Variants in RASA2 observed in about 807,000 individuals in gnomAD.
RASA2 encodes RAS p21 protein activator 2, also known as ras GTPase-activating protein 2.
RASA2 carries 155 observed loss-of-function variants against 118.2 expected under a neutral mutation model. The observed-to-expected ratio is 1.31, with a 90% CI of 1.15 to 1.50. The LOEUF (loss-of-function observed/expected upper bound fraction) is 1.50. Ranked by LOEUF, RASA2 falls within the 40% of genes most tolerant of loss-of-function variation. RASA2 has a pLI of 0.00. For missense variants in RASA2, 1,016 were observed against 1,009.6 expected (o/e 1.01, Z -0.09); for synonymous variants, 353 against 349.1 (o/e 1.01, Z -0.12).
At chr3:141,578,287 A>G (rs1349751195) in intron 15 of RASA2, among the ~76,000 whole-genome samples, 1 of 152,202 alleles carries the variant, frequency 6.6e-6, no homozygotes, top group Non-Finnish European at 1.5e-5. Context: ...AGTCTTTATC[A>G]TCTGTGAGCT....
intron 3 of RASA2, among the ~76,000 whole-genome samples, chr3:141,521,487 C>G (rs2082110607): frequency 6.6e-6 from 1 of 152,146 alleles, no homozygotes; most frequent in Admixed American, 6.6e-5. Flanking sequence ...ATTTTCGTCT[C>G]TTTACATGTT....
chr3:141,487,334 G>A, intron 1 of RASA2, 118 bp downstream of exon 1: 1 of 1,149,150 alleles, frequency 8.7e-7, no homozygotes, highest in Non-Finnish European at 1.1e-6. Flanking sequence ...CCCGGGAGGG[G>A]GCCTGGGCCG....
At chr3:141,592,007 T>C (rs771507994) in intron 19 of RASA2, among the ~76,000 whole-genome samples, 7 of 151,684 alleles carry the variant, frequency 4.6e-5, no homozygotes, top group Non-Finnish European at 7.4e-5. Context: ...GAGAGAAAAA[T>C]AGTAAACAAA....
intron 9 of RASA2, among the ~76,000 whole-genome samples, chr3:141,564,525 C>T (rs1273978533): frequency 6.6e-6 from 1 of 152,080 alleles, no homozygotes; most frequent in Non-Finnish European, 1.5e-5. Context: ...TATTCAAGCA[C>T]AATTGAGGGG....
chr3:141,609,398 TA>T lies in RASA2; in HGVS notation c.2226-21del, dbSNP rs63381862. ...CAAAATAAAATTTGTATAATATCTT[TA>T]TTTTTTTATTTTTACCATAGAGGTG... On this transcript the variant is annotated intron_variant, in intron 21 of 23. Coordinates refer to ENST00000286364, the MANE Select transcript of RASA2 (RefSeq NM_006506.5). 11,670 of 1,409,982 alleles carry T rather than the reference TA, an allele frequency of 8.3e-3. 54 individuals carry two copies. Among genetic ancestry groups the T allele is most frequent in the Non-Finnish European group, 9.9e-3 (10,338 of 1,041,162 alleles). 87.3% of individuals were successfully genotyped at this position (1,409,982 alleles called of 1,614,324 possible). A position where few individuals can be genotyped will look rare whatever the true frequency, so the allele number is the denominator to read the frequency against.
intron 19 of RASA2, among the ~76,000 whole-genome samples, chr3:141,593,420 G>A (rs534185620): frequency 6.6e-6 from 1 of 152,130 alleles, no homozygotes; most frequent in South Asian, 2.1e-4. Context: ...GTGCTAAAAT[G>A]CAAGCAGAAA....
chr3:141,574,001 A>AGCT lies in RASA2; in HGVS notation c.1420_1422dup (p.Cys474dup). The AGCT allele has an allele frequency of 1.3e-6, 2 of 1,590,236 alleles. No homozygotes were observed. The highest frequency in any genetic ancestry group is 1.7e-6 in the Non-Finnish European group (2 of 1,162,546). ...CAATACAATTGTAAAATCAAGTATG[A>AGCT]GCTGCCCCACTGTAATGTGTGATAT... is the stretch of plus-strand genomic sequence containing the variant. On this transcript the variant is annotated inframe_insertion, in exon 14 of 24. Coordinates refer to ENST00000286364, the MANE Select transcript of RASA2 (RefSeq NM_006506.5).
chr3:141,581,064 T>C, intron 16 of RASA2, 36 bp from the exon 17 acceptor site: 1 of 1,471,976 alleles, frequency 6.8e-7, no homozygotes, highest in South Asian at 1.4e-5. Context: ...AATTCTCTAT[T>C]TAACACATAT....
At chr3:141,565,565 T>C (rs113176107) in intron 9 of RASA2, among the ~76,000 whole-genome samples, 4,735 of 152,248 alleles carry the variant, frequency 0.031, 242 homozygotes, top group African/African-American at 0.1. Flanking sequence ...ATAAGTCTCA[T>C]GAGATCTGAT....
In RASA2 at chr3:141,547,717, G is replaced by T. The variant is rs2082507235; in HGVS notation, c.528-6140G>T. ...ATCTCTTGTCTGATTGCTCTAGCTA[G>T]GACTTGAATAACAGTGGTGAAAGTG... On this transcript the variant is annotated intron_variant, in intron 5 of 23. Coordinates refer to ENST00000286364, the MANE Select transcript of RASA2 (RefSeq NM_006506.5). Among the ~76,000 whole-genome samples, 5 of 151,926 alleles carry T rather than the reference G, an allele frequency of 3.3e-5. No individual in the cohort carries two copies. In the South Asian group the frequency reaches 1.0e-3, roughly 31 times the overall value.
chr3:141,559,842 G>T, intron 8 of RASA2, 52 bp from the exon 9 acceptor site: 2 of 1,440,690 alleles, frequency 1.4e-6, no homozygotes, highest in South Asian at 2.3e-5. Flanking sequence ...TTTGTGGTGT[G>T]AACTCTCTTA....
At chr3:141,495,086 C>T (rs890190758) in intron 1 of RASA2, among the ~76,000 whole-genome samples, 1 of 152,186 alleles carries the variant, frequency 6.6e-6, no homozygotes, top group Admixed American at 6.5e-5. Context: ...TGCAGTGTAT[C>T]CTTCAGACAA....
At position 141,601,196 on chromosome 3, in the gene RASA2, G is replaced by A. The variant is rs560503613; in HGVS notation, c.1934-6482G>A. ...TACCCTAGCACTTTGAGAGGCTGCG[G>A]CAGACAGATTGCCTGATCTCAAGAG... On this transcript the variant is annotated intron_variant, in intron 19 of 23. Coordinates refer to ENST00000286364, the MANE Select transcript of RASA2 (RefSeq NM_006506.5). Among the ~76,000 whole-genome samples the A allele has an allele frequency of 1.5e-4, 23 of 152,302 alleles. No individual in the cohort carries two copies. In the East Asian group the frequency reaches 4.4e-3, roughly 29 times the overall value.
rs146580056 is a variant in RASA2, at chr3:141,533,117, C to G, written c.450+3315C>G. ...TTTTGAGACCTAAAAGACGCCACAC[C>G]AATTTTTGAGTCCATGTGACCATAC... On this transcript the variant is annotated intron_variant, in intron 4 of 23. Transcript: ENST00000286364. Among the ~76,000 whole-genome samples, 936 of 152,190 alleles carry G rather than the reference C, an allele frequency of 6.2e-3. 12 individuals are homozygous for G. Among genetic ancestry groups the G allele is most frequent in the African/African-American group, 0.021 (880 of 41,530 alleles).
At chr3:141,564,771 G>T (rs1381978209) in intron 9 of RASA2, among the ~76,000 whole-genome samples, 1 of 152,140 alleles carries the variant, frequency 6.6e-6, no homozygotes, top group Non-Finnish European at 1.5e-5. Flanking sequence ...CAAGCACATG[G>T]GGGTGGTGGT....
rs1034592883 is a variant in RASA2 at position 141,512,978 on chromosome 3, G to A, written c.251+698G>A. On this transcript the variant is annotated intron_variant, in intron 2 of 23. Transcript: ENST00000286364. ...CTTGGGAGGCTGAGGCAGGAGAATC[G>A]CTTGAACCCAGGGGTCGGAGGTTGC... Among the ~76,000 whole-genome samples the A allele has an allele frequency of 2.6e-4, 40 of 151,438 alleles. 1 individual carries two copies. The highest frequency in any genetic ancestry group is 2.1e-4 in the South Asian group (1 of 4,798).
In RASA2 at chr3:141,580,416, A is replaced by C. The variant is rs1234300831; in HGVS notation, c.1639A>C (p.Thr547Pro). The C allele has an allele frequency of 6.2e-7, 1 of 1,609,964 alleles. No homozygotes were observed. Among genetic ancestry groups the C allele is most frequent in the Admixed American group, 1.7e-5 (1 of 59,778 alleles). ...AACTCTCATCTCAAAAACTATACAA[A>C]CTTTGGGAAGCTGGGGGAGTCTGTC... ...TLTLISKTIQ[T>P]LGSWGSLSKS... is the part of the protein sequence containing the mutation. Residue 547 changes from threonine to proline, a missense_variant, in exon 16 of 24, where the codon ACT (threonine) becomes CCT (proline). Coordinates refer to ENST00000286364, the MANE Select transcript of RASA2 (RefSeq NM_006506.5).
intron 3 of RASA2, among the ~76,000 whole-genome samples, chr3:141,520,691 CAG>C (rs1250614947): frequency 1.3e-5 from 2 of 152,022 alleles, no homozygotes; most frequent in Non-Finnish European, 2.9e-5. Context: ...CTTATATACA[CAG>C]ATATATATAC....
At chr3:141,596,858 A>G (rs1344961326) in intron 19 of RASA2, among the ~76,000 whole-genome samples, 3 of 152,230 alleles carry the variant, frequency 2.0e-5, no homozygotes, top group Non-Finnish European at 4.4e-5. Context: ...AATGTAAAAT[A>G]GGGGCTTTGA....
Sources: allele counts gnomAD v4.1 joint callset (sites outside exome capture counted in the v4.1 genomes callset), GRCh38; gene constraint gnomAD v4.1.1; transcripts MANE v1.5; gene names NCBI Gene and HGNC (gene_info 2026-07-23, HGNC 2026-07-21).